SCNN1B: variants seen among roughly 807,000 people sequenced by gnomAD.
SCNN1B encodes the protein sodium channel epithelial 1 subunit beta.
In SCNN1B, 46 loss-of-function variants were observed where a neutral mutation model predicts 65.3. The ratio of observed to expected loss-of-function variants is 0.70; its 90% CI spans 0.56 to 0.90. The LOEUF (loss-of-function observed/expected upper bound fraction) is 0.90, where lower values mean the gene tolerates loss of function less well. SCNN1B is among the 40% of genes least tolerant of loss of function. The pLI is 0.00. For synonymous variants in SCNN1B, 349 were observed against 330.6 expected (o/e 1.06, Z -0.60); for missense variants, 751 against 830.5 (o/e 0.90, Z 1.18).
intron 2 of SCNN1B, among the ~76,000 whole-genome samples, chr16:23,293,856 G>A (rs1008958603): frequency 2.6e-5 from 4 of 152,060 alleles, no homozygotes; most frequent in Admixed American, 2.0e-4. Flanking sequence ...CCTAGGAGGT[G>A]GAGGCTGCAG....
chr16:23,355,490 G>A lies in SCNN1B; in HGVS notation c.776+1G>A. The A allele has an allele frequency of 6.2e-7, 1 of 1,613,992 alleles. No homozygotes were observed. The highest frequency in any genetic ancestry group is 8.5e-7 in the Non-Finnish European group (1 of 1,180,020). ...TCGGAGCTGAGCCCTGCAACTACCG[G>A]TGAGAGCCACCCCAAGCCCACCCGG... On this transcript the variant is annotated splice_donor_variant, in intron 4 of 12. Coordinates refer to ENST00000343070, the MANE Select transcript of SCNN1B (RefSeq NM_000336.3). LOFTEE classifies it high-confidence loss of function.
At chr16:23,300,851 T>TA (rs371447491), upstream of SCNN1B, among the ~76,000 whole-genome samples, 80 of 152,088 alleles carry the variant, frequency 5.3e-4, no homozygotes, top group African/African-American at 1.8e-3. Context: ...AAAAAAATTG[T>TA]AAAAAAGCCT....
intron 4 of SCNN1B, among the ~76,000 whole-genome samples, chr16:23,365,113 C>CA (rs1425525271): frequency 6.7e-6 from 1 of 148,814 alleles, no homozygotes; most frequent in Non-Finnish European, 1.5e-5. Flanking sequence ...GGTGAAAGAG[C>CA]AAAACTCCAT....
intron 1 of SCNN1B, among the ~76,000 whole-genome samples, chr16:23,341,409 T>C (rs1751294768): frequency 6.6e-6 from 1 of 152,136 alleles, no homozygotes; most frequent in Non-Finnish European, 1.5e-5. Flanking sequence ...AATAGAGTCT[T>C]AGATATGAAA....
intron 1 of SCNN1B, among the ~76,000 whole-genome samples, chr16:23,332,837 C>T (rs1386470230): frequency 4.0e-5 from 6 of 151,880 alleles, no homozygotes; most frequent in African/African-American, 1.2e-4. Context: ...TTTGGGAGGC[C>T]GAGGCAGTGG....
chr16:23,332,539 C>T (rs2142002187), intron 1 of SCNN1B, among the ~76,000 whole-genome samples: 1 of 152,212 alleles, frequency 6.6e-6, no homozygotes, highest in East Asian at 1.9e-4. Flanking sequence ...ACTATGTCGC[C>T]AGGCTGATCT....
intron 2 of SCNN1B, among the ~76,000 whole-genome samples, chr16:23,292,578 A>T (rs1281737168): frequency 1.3e-5 from 2 of 151,576 alleles, no homozygotes; most frequent in Non-Finnish European, 2.9e-5. Flanking sequence ...ATCATAGTTC[A>T]CTGCAGTGAA....
rs191635886 is a variant in SCNN1B, at chr16:23,338,067, G to A, written c.-8-10525G>A. ...AACCTGTATGACAGAGTGAGACTCC[G>A]TGTCAAAAAAACCACAACAACAAAA... On this transcript the variant is annotated intron_variant, in intron 1 of 12. Coordinates refer to ENST00000343070, the MANE Select transcript of SCNN1B (RefSeq NM_000336.3). Among the ~76,000 whole-genome samples, 154 of 152,148 alleles carry A rather than the reference G, an allele frequency of 1.0e-3. 3 individuals carry two copies. Among genetic ancestry groups the A allele is most frequent in the African/African-American group, 3.3e-3 (136 of 41,500 alleles).
At chr16:23,343,486 G>GGAAGGAAGGAAGGAAGGAAAAGGAAGGAA (rs1962098824) in intron 1 of SCNN1B, among the ~76,000 whole-genome samples, 4 of 108,032 alleles carry the variant, frequency 3.7e-5, no homozygotes, top group African/African-American at 1.5e-4. Flanking sequence ...AAGGAAGGAA[G>GGAAGGAAGGAAGGAAGGAAAAGGAAGGAA]GAAGGAAGGA....
upstream of SCNN1B, among the ~76,000 whole-genome samples, chr16:23,298,072 GA>G (rs529669900): frequency 1.3e-5 from 2 of 152,122 alleles, no homozygotes; most frequent in Non-Finnish European, 2.9e-5. Flanking sequence ...CTAACCCAAA[GA>G]AAGCAAAAGG....
At chr16:23,298,693 A>C (rs1490439452), upstream of SCNN1B, among the ~76,000 whole-genome samples, 1 of 152,230 alleles carries the variant, frequency 6.6e-6, no homozygotes, top group Non-Finnish European at 1.5e-5. Flanking sequence ...TAATGGTGTC[A>C]GACTGTAGAC....
intron 2 of SCNN1B, among the ~76,000 whole-genome samples, chr16:23,352,528 T>G (rs1962331306): frequency 6.6e-6 from 1 of 152,194 alleles, no homozygotes; most frequent in Non-Finnish European, 1.5e-5. Flanking sequence ...GTCTCCCCTG[T>G]GCACTCTCTT....
chr16:23,308,946 A>C (rs142602175), intron 1 of SCNN1B, among the ~76,000 whole-genome samples: 1,590 of 152,310 alleles, frequency 0.01, 12 homozygotes, highest in Non-Finnish European at 0.019. Context: ...TCTGAGGGAC[A>C]GTCAAGTGTG....
At chr16:23,324,368 T>C (rs2141996582) in intron 1 of SCNN1B, among the ~76,000 whole-genome samples, 1 of 151,992 alleles carries the variant, frequency 6.6e-6, no homozygotes, top group East Asian at 1.9e-4. Flanking sequence ...CTTTTGTTTT[T>C]TGTTGTTGTT....
chr16:23,312,412 C>T (rs1018921335), intron 1 of SCNN1B, among the ~76,000 whole-genome samples: 1 of 152,040 alleles, frequency 6.6e-6, no homozygotes, highest in African/African-American at 2.4e-5. Context: ...CAGGTGGACC[C>T]CCACCAGTCC....
chr16:23,361,698 C>T (rs1962556568), intron 4 of SCNN1B, among the ~76,000 whole-genome samples: 4 of 152,176 alleles, frequency 2.6e-5, no homozygotes, highest in Admixed American at 6.5e-5. Context: ...GGTTTTTTAA[C>T]TTTTGCCTAC....
At chr16:23,293,614 T>C (rs1434121306) in intron 2 of SCNN1B, among the ~76,000 whole-genome samples, 1 of 152,126 alleles carries the variant, frequency 6.6e-6, no homozygotes, top group African/African-American at 2.4e-5. Flanking sequence ...ATTTAATGCC[T>C]CTGAGATGTA....
chr16:23,288,243 C>T (rs1253477015), intron 2 of SCNN1B, among the ~76,000 whole-genome samples: 3 of 151,962 alleles, frequency 2.0e-5, no homozygotes, highest in Non-Finnish European at 4.4e-5. Context: ...GAAAACTGCC[C>T]CCGTATCAGT....
At chr16:23,319,766 T>C (rs1961549045) in intron 1 of SCNN1B, among the ~76,000 whole-genome samples, 1 of 152,028 alleles carries the variant, frequency 6.6e-6, no homozygotes, top group Admixed American at 6.6e-5. Context: ...AGGAAATGTT[T>C]TATTTTTTGT....
Sources: allele counts gnomAD v4.1 joint callset (sites outside exome capture counted in the v4.1 genomes callset), GRCh38; gene constraint gnomAD v4.1.1; transcripts MANE v1.5; gene names NCBI Gene and HGNC (gene_info 2026-07-23, HGNC 2026-07-21).